The following GNG2 variants were observed in gnomAD, a reference collection of about 807,000 sequenced individuals.
The protein encoded by GNG2 is guanine nucleotide-binding protein G(I)/G(S)/G(O) subunit gamma-2.
In GNG2, 5 loss-of-function variants were observed where a neutral mutation model predicts 5.5. The observed-to-expected ratio is 0.91, with a 90% CI of 0.48 to 1.92. The LOEUF is 1.92. Ranked by LOEUF, GNG2 falls within the 30% of genes most tolerant of loss-of-function variation. GNG2 has a pLI of 0.01. For synonymous variants in GNG2, 28 were observed against 32.0 expected (o/e 0.88, Z 0.42); for missense variants, 55 against 88.4 (o/e 0.62, Z 1.52).
intron 2 of GNG2, among the ~76,000 whole-genome samples, chr14:51,925,883 A>T (rs559561160): frequency 1.3e-5 from 2 of 151,988 alleles, no homozygotes; most frequent in African/African-American, 2.4e-5. Flanking sequence ...CTGCCTCCCT[A>T]AGTGCTAGGA....
At chr14:51,896,543 G>A (rs1479677989) in intron 2 of GNG2, among the ~76,000 whole-genome samples, 1 of 152,168 alleles carries the variant, frequency 6.6e-6, no homozygotes, top group African/African-American at 2.4e-5. Flanking sequence ...TTTACCCATA[G>A]AAAGAAGCCT....
intron 2 of GNG2, among the ~76,000 whole-genome samples, chr14:51,945,478 T>C (rs758036114): frequency 1.3e-5 from 2 of 151,988 alleles, no homozygotes; most frequent in Non-Finnish European, 2.9e-5. Context: ...ATACCTAAAG[T>C]AGTCAAATTT....
intron 2 of GNG2, among the ~76,000 whole-genome samples, chr14:51,909,659 T>C (rs1460612790): frequency 6.6e-6 from 1 of 152,206 alleles, no homozygotes; most frequent in African/African-American, 2.4e-5. Flanking sequence ...CAGAGCTGCA[T>C]GTAACTCCAG....
intron 2 of GNG2, among the ~76,000 whole-genome samples, chr14:51,906,114 C>T (rs1420648429): frequency 2.6e-5 from 4 of 152,240 alleles, no homozygotes; most frequent in African/African-American, 9.6e-5. Context: ...CTATTGCTAT[C>T]ACTTTATTGC....
At chr14:51,838,825 G>T (rs1881409157) in intron 2 of GNG2, among the ~76,000 whole-genome samples, 1 of 152,148 alleles carries the variant, frequency 6.6e-6, no homozygotes, top group African/African-American at 2.4e-5. Context: ...GATTGGTTGA[G>T]CCTGGGAGAT....
intron 2 of GNG2, among the ~76,000 whole-genome samples, chr14:51,836,576 C>T (rs1392151591): frequency 1.3e-5 from 2 of 151,984 alleles, no homozygotes; most frequent in East Asian, 3.8e-4. Context: ...AGTGTCCTCT[C>T]CCCTCACCAC....
chr14:51,861,973 G>C (rs1882520717), intron 1 of GNG2, among the ~76,000 whole-genome samples: 2 of 152,110 alleles, frequency 1.3e-5, no homozygotes, highest in Admixed American at 1.3e-4. Context: ...TTTAAAAAAA[G>C]TCAATATTTT....
chr14:51,857,905 A>T (rs1882235996), upstream of GNG2, among the ~76,000 whole-genome samples: 1 of 152,228 alleles, frequency 6.6e-6, no homozygotes, highest in Non-Finnish European at 1.5e-5. Flanking sequence ...TCCAAGGAAC[A>T]TCCAGCTAGA....
intron 2 of GNG2, among the ~76,000 whole-genome samples, chr14:51,929,359 T>C (rs1887522694): frequency 6.6e-6 from 1 of 152,182 alleles, no homozygotes; most frequent in Non-Finnish European, 1.5e-5. Context: ...TCTGCATGAC[T>C]CATCTAACAT....
chr14:51,966,644 A>G lies in GNG2; in HGVS notation c.173A>G (p.Glu58Gly). The change falls in exon 4 of 4, where the codon GAA becomes GGA. Residue 58 changes from glutamate (E) to glycine (G), a missense_variant. Glu to Gly is a moderately conservative substitution (Grantham distance 98). Coordinates refer to ENST00000556766, the MANE Select transcript of GNG2 (RefSeq NM_053064.5). ...CTCCTGACCCCTGTTCCGGCTTCAG[A>G]AAACCCGTTTAGGGAGAAGAAGTTT... ...DPLLTPVPAS[E>G]NPFREKKFFC... 6.2e-7 allele frequency: 1 copy of G among 1,613,948 alleles called. No homozygotes were observed. Among genetic ancestry groups the G allele is most frequent in the Non-Finnish European group, 8.5e-7 (1 of 1,179,804 alleles).
intron 2 of GNG2, among the ~76,000 whole-genome samples, chr14:51,887,488 A>G (rs1594878285): frequency 6.6e-6 from 1 of 152,202 alleles, no homozygotes; most frequent in Non-Finnish European, 1.5e-5. Flanking sequence ...ACTGAATCAG[A>G]TAAATTGGTT....
At chr14:51,898,101 C>T (rs1295413158) in intron 2 of GNG2, among the ~76,000 whole-genome samples, 1 of 152,146 alleles carries the variant, frequency 6.6e-6, no homozygotes, top group Admixed American at 6.6e-5. Context: ...CCTGTGGTTA[C>T]ATATGTTAGA....
chr14:51,834,280 G>T (rs142501147), intron 2 of GNG2, among the ~76,000 whole-genome samples: 2 of 152,182 alleles, frequency 1.3e-5, no homozygotes, highest in Non-Finnish European at 2.9e-5. Flanking sequence ...CCCCCAGAAC[G>T]CCCCAAGGCA....
In GNG2 at chr14:51,892,322, T is replaced by A. The variant is rs916688518; in HGVS notation, c.-30+14665T>A. Among the ~76,000 whole-genome samples the A allele has an allele frequency of 5.3e-5, 8 of 151,918 alleles. No homozygotes were observed. The East Asian group carries it at 9.6e-4, about 18-fold the overall frequency. On this transcript the variant is annotated intron_variant, in intron 2 of 3. Coordinates refer to ENST00000556766, the MANE Select transcript of GNG2 (RefSeq NM_053064.5). ...TTTCTTTTATTTATTTTATTTTATT[T>A]TTTTTTTGAAATAGAGTCTCACTTT...
chr14:51,873,571 T>G (rs750881623), intron 1 of GNG2, among the ~76,000 whole-genome samples: 1 of 152,230 alleles, frequency 6.6e-6, no homozygotes, highest in Non-Finnish European at 1.5e-5. Flanking sequence ...TAGTGTTGGA[T>G]ATTGTGGTTC....
intron 2 of GNG2, among the ~76,000 whole-genome samples, chr14:51,936,427 TAAATAGCTTCTTA>T (rs578121749): frequency 3.3e-4 from 50 of 151,762 alleles, no homozygotes; most frequent in African/African-American, 1.2e-3. Context: ...CAGAGGTGGC[TAAATAGCTTCTTA>T]AAATAGCTTC....
At chr14:51,923,567 T>TACACACACAC (rs142081387) in intron 2 of GNG2, among the ~76,000 whole-genome samples, 72 of 150,114 alleles carry the variant, frequency 4.8e-4, no homozygotes, top group African/African-American at 1.7e-3. Flanking sequence ...AAACACACAA[T>TACACACACAC]ACACACACAC....
Position 51,928,026 on chromosome 14 carries a change from CTTTTTTTTTTT to C in GNG2, c.-29-22613_-29-22603del, listed in dbSNP as rs35561589. Among the ~76,000 whole-genome samples, 10 of 103,064 alleles carry C rather than the reference CTTTTTTTTTTT, an allele frequency of 9.7e-5. No homozygotes were observed. In the South Asian group the frequency reaches 2.9e-3, roughly 30 times the overall value. 67.6% of individuals were successfully genotyped at this position (103,064 alleles called of 152,430 possible). On this transcript the variant is annotated intron_variant, in intron 2 of 3. Transcript: ENST00000556766. ...GGTATTTGCCTTTCTCTCTCTCTCT[CTTTTTTTTTTT>C]TTTTTTTTTTGGAGACTGAGTCTCG...
intron 2 of GNG2, among the ~76,000 whole-genome samples, chr14:51,897,553 A>T (rs1165959225): frequency 4.6e-5 from 7 of 152,194 alleles, no homozygotes; most frequent in Admixed American, 4.6e-4. Context: ...AAAAAAGGAG[A>T]GATAAGTTGA....
Sources: gnomAD v4.1 joint callset for allele counts (sites outside exome capture counted in the v4.1 genomes callset) on GRCh38, gnomAD v4.1.1 for gene constraint, MANE v1.5 for transcripts, NCBI Gene and HGNC (gene_info 2026-07-23, HGNC 2026-07-21) for gene names.